CDH6: variants seen among roughly 807,000 people sequenced by gnomAD.
CDH6 encodes the protein cadherin 6.
In CDH6, 31 loss-of-function variants were observed where a neutral mutation model predicts 78.0. The observed-to-expected ratio is 0.40, with a 90% confidence interval of 0.30 to 0.54. The LOEUF (loss-of-function observed/expected upper bound fraction) is 0.54. Ranked by LOEUF, CDH6 falls within the 20% of genes least tolerant of loss-of-function variation. CDH6 has a pLI of 0.56. For missense variants in CDH6, 724 were observed against 975.9 expected (o/e 0.74, Z 3.44); for synonymous variants, 376 against 368.8 (o/e 1.02, Z -0.23).
chr5:31,238,128 C>T (rs916139143), intron 1 of CDH6, among the ~76,000 whole-genome samples: 2 of 152,124 alleles, frequency 1.3e-5, no homozygotes, highest in Admixed American at 1.3e-4. Context: ...GCAATTTTTG[C>T]TTTTTACACA....
intron 1 of CDH6, among the ~76,000 whole-genome samples, chr5:31,215,517 T>C (rs961645003): frequency 6.6e-6 from 1 of 152,116 alleles, no homozygotes; most frequent in African/African-American, 2.4e-5. Flanking sequence ...AAATTCTAGG[T>C]CTGGTGTGCA....
intron 1 of CDH6, among the ~76,000 whole-genome samples, chr5:31,214,926 G>A (rs1740822961): frequency 6.6e-6 from 1 of 152,024 alleles, no homozygotes; most frequent in Non-Finnish European, 1.5e-5. Flanking sequence ...TTTTTATCTA[G>A]TTTCTATGAT....
chr5:31,321,662 T>A (rs1459172013), intron 11 of CDH6, among the ~76,000 whole-genome samples: 1 of 152,188 alleles, frequency 6.6e-6, no homozygotes, highest in Non-Finnish European at 1.5e-5. Context: ...TGCCTACATC[T>A]ATTATTATAT....
chr5:31,235,983 A>C lies in CDH6; in HGVS notation c.-128-31363A>C, dbSNP rs561937279. Among the ~76,000 whole-genome samples the C allele has an allele frequency of 4.6e-5, 7 of 152,232 alleles. No homozygotes were observed. The East Asian group carries it at 1.4e-3, about 29-fold the overall frequency. On this transcript the variant is annotated intron_variant, in intron 1 of 11. Coordinates refer to ENST00000265071, the MANE Select transcript of CDH6 (RefSeq NM_004932.4). ...TTGTACTCATACGATTGATATTTGC[A>C]TTTCTATTTGCTTTTAATTGCCAAT...
At chr5:31,289,403 G>A (rs1169747574) in intron 2 of CDH6, among the ~76,000 whole-genome samples, 1 of 152,114 alleles carries the variant, frequency 6.6e-6, no homozygotes, top group African/African-American at 2.4e-5. Context: ...CCATGCCTTT[G>A]CTGTTGTGAA....
intron 2 of CDH6, among the ~76,000 whole-genome samples, chr5:31,284,196 G>A (rs1002986587): frequency 6.6e-6 from 1 of 152,164 alleles, no homozygotes; most frequent in Non-Finnish European, 1.5e-5. Flanking sequence ...CTAATTCCAT[G>A]TATAAATGTA....
chr5:31,298,117 A>G (rs1737662323), intron 4 of CDH6, among the ~76,000 whole-genome samples: 1 of 152,244 alleles, frequency 6.6e-6, no homozygotes, highest in Non-Finnish European at 1.5e-5. Context: ...TCCTCTTTTC[A>G]ACATCTCATT....
At position 31,294,263 on chromosome 5, in the gene CDH6, G is replaced by T; in HGVS notation, c.523+7G>T. On this transcript the variant is annotated splice_region_variant and intron_variant, in intron 3 of 11. Coordinates refer to ENST00000265071, the MANE Select transcript of CDH6 (RefSeq NM_004932.4). This position sits in a 1 kb window ranked among gnomAD's most constrained non-coding sequence, Gnocchi z 4.1. ...CCTGAAATGTCTGATGTCGGTGAGT[G>T]AGACGTGACTTCAGCCAAAAGCTGG... 2 of 1,605,924 alleles carry T rather than the reference G, an allele frequency of 1.2e-6. No individual in the cohort carries two copies. The highest frequency in any genetic ancestry group is 1.7e-6 in the Non-Finnish European group (2 of 1,175,670).
Position 31,328,576 on chromosome 5 carries a change from A to G in CDH6, c.*5268A>G. 1 of 205,488 alleles carries G rather than the reference A, an allele frequency of 4.9e-6. No homozygotes were observed. The highest frequency in any genetic ancestry group is 7.5e-5 in the East Asian group (1 of 13,388). 12.7% of individuals were successfully genotyped at this position (205,488 alleles called of 1,614,324 possible). A position where few individuals can be genotyped will look rare whatever the true frequency, so the allele number is the denominator to read the frequency against. On this transcript the variant is annotated 3_prime_UTR_variant, in exon 12 of 12. Coordinates refer to ENST00000265071, the MANE Select transcript of CDH6 (RefSeq NM_004932.4). The stretch of plus-strand genomic sequence containing the variant: ...TGCCTAAGAGTAGGCCTTATAATAA[A>G]TGCTATGTGCGTCTTCAGTAGTTCC...
chr5:31,194,172 G>A (rs1740096644), intron 1 of CDH6, among the ~76,000 whole-genome samples: 1 of 152,100 alleles, frequency 6.6e-6, no homozygotes, highest in South Asian at 2.1e-4. Context: ...GGCTGGGTGG[G>A]GGCACCGGGA....
chr5:31,239,812 A>C (rs545056283), intron 1 of CDH6, among the ~76,000 whole-genome samples: 5 of 152,336 alleles, frequency 3.3e-5, no homozygotes, highest in African/African-American at 1.2e-4. Context: ...ATAGCTCTTT[A>C]GTACAGGGAT....
At chr5:31,268,847 A>G (rs1742437639) in intron 2 of CDH6, among the ~76,000 whole-genome samples, 1 of 152,230 alleles carries the variant, frequency 6.6e-6, no homozygotes, top group Non-Finnish European at 1.5e-5. Context: ...AAAGCCATCC[A>G]CGGCTTGGGC....
intron 11 of CDH6, among the ~76,000 whole-genome samples, chr5:31,321,113 A>G (rs139400149): frequency 6.6e-6 from 1 of 151,752 alleles, no homozygotes; most frequent in Non-Finnish European, 1.5e-5. Context: ...CAATTTCCTT[A>G]TTTACTACAC....
chr5:31,244,513 A>T (rs1307880815), intron 1 of CDH6, among the ~76,000 whole-genome samples: 1 of 152,098 alleles, frequency 6.6e-6, no homozygotes, highest in African/African-American at 2.4e-5. Flanking sequence ...TGGGAGGCTC[A>T]TGCTGGAGAG....
intron 1 of CDH6, among the ~76,000 whole-genome samples, chr5:31,235,581 G>A (rs993388243): frequency 4.6e-5 from 7 of 152,118 alleles, no homozygotes; most frequent in East Asian, 1.9e-4. Context: ...AGGAAACAGC[G>A]AATGTTATGC....
intron 1 of CDH6, among the ~76,000 whole-genome samples, chr5:31,205,022 T>G (rs563669131): frequency 6.6e-6 from 1 of 152,236 alleles, no homozygotes; most frequent in Non-Finnish European, 1.5e-5. Context: ...CATAAGATGC[T>G]TTATGGAATA....
chr5:31,224,621 T>C (rs146787189), intron 1 of CDH6, among the ~76,000 whole-genome samples: 82 of 152,290 alleles, frequency 5.4e-4, no homozygotes, highest in African/African-American at 1.9e-3. Context: ...GGCCCAATTA[T>C]GGCTCACTGC....
At chr5:31,265,980 G>A (rs1369474719) in intron 1 of CDH6, among the ~76,000 whole-genome samples, 4 of 151,742 alleles carry the variant, frequency 2.6e-5, no homozygotes, top group African/African-American at 9.7e-5. Context: ...GTTTCATTAT[G>A]TTAGCCAGGA....
At chr5:31,240,659 T>C (rs1741573384) in intron 1 of CDH6, among the ~76,000 whole-genome samples, 1 of 152,208 alleles carries the variant, frequency 6.6e-6, no homozygotes, top group South Asian at 2.1e-4. Flanking sequence ...TTTTATTTAT[T>C]CATTTATGAA....
Sources: allele counts gnomAD v4.1 joint callset (sites outside exome capture counted in the v4.1 genomes callset), GRCh38; gene constraint gnomAD v4.1.1; non-coding constraint Gnocchi (gnomAD v3.1); transcripts MANE v1.5; gene names NCBI Gene and HGNC (gene_info 2026-07-23, HGNC 2026-07-21).